Variants in PIBF1 observed in about 807,000 individuals in gnomAD.
The protein encoded by PIBF1 is progesterone immunomodulatory binding factor 1.
PIBF1 carries 90 observed loss-of-function variants against 112.5 expected under a neutral mutation model. The observed-to-expected ratio is 0.80, with a 90% CI of 0.67 to 0.95. The LOEUF (loss-of-function observed/expected upper bound fraction) is 0.95, where lower values mean the gene tolerates loss of function less well. Ranked by LOEUF, PIBF1 falls within the 40% of genes least tolerant of loss-of-function variation. PIBF1 has a pLI of 0.00. For synonymous variants in PIBF1, 301 were observed against 288.6 expected, an observed-to-expected ratio of 1.04 and a Z score of -0.44; for missense variants, 915 against 852.3, an observed-to-expected ratio of 1.07 and a Z score of -0.92.
At chr13:73,001,209 GATTCTCTTCAGGCATCAT>G (rs2043855266) in intron 17 of PIBF1, among the ~76,000 whole-genome samples, 1 of 152,104 alleles carries the variant, frequency 6.6e-6, no homozygotes, top group African/African-American at 2.4e-5. Context: ...AGCATGCTAT[GATTCTCTTCAGGCATCAT>G]AATTTTTAGT....
intron 14 of PIBF1, among the ~76,000 whole-genome samples, chr13:72,965,040 C>T (rs1449549747): frequency 1.3e-5 from 2 of 151,868 alleles, no homozygotes; most frequent in Admixed American, 6.6e-5. Flanking sequence ...CTAGCCTGGG[C>T]GACAGAGCGA....
At chr13:72,910,501 A>G (rs547379346) in intron 12 of PIBF1, among the ~76,000 whole-genome samples, 2 of 152,292 alleles carry the variant, frequency 1.3e-5, no homozygotes, top group South Asian at 4.1e-4. Context: ...GATCTGAAAA[A>G]GGGCATTTAT....
At chr13:72,881,642 T>C (rs1463504220) in intron 10 of PIBF1, among the ~76,000 whole-genome samples, 1 of 149,570 alleles carries the variant, frequency 6.7e-6, no homozygotes, top group South Asian at 2.1e-4. Flanking sequence ...CTTGAACCCA[T>C]GAGGTGGAGG....
intron 16 of PIBF1, among the ~76,000 whole-genome samples, chr13:72,986,759 C>T (rs1261702914): frequency 1.3e-5 from 2 of 148,680 alleles, no homozygotes; most frequent in Non-Finnish European, 1.5e-5. Context: ...GGCGCAATCT[C>T]GGCTCACTGC....
At chr13:72,902,239 A>G (rs909992915) in intron 11 of PIBF1, among the ~76,000 whole-genome samples, 10 of 152,110 alleles carry the variant, frequency 6.6e-5, no homozygotes, top group Non-Finnish European at 1.0e-4. Context: ...TGGGGGGAAG[A>G]GTGGAACAGG....
intron 6 of PIBF1, among the ~76,000 whole-genome samples, chr13:72,824,823 A>G (rs987836044): frequency 2.6e-5 from 4 of 152,214 alleles, no homozygotes; most frequent in African/African-American, 9.6e-5. Context: ...CAAAGTTACT[A>G]TCACCAATAA....
chr13:73,007,404 C>T (rs1234415084), intron 17 of PIBF1, among the ~76,000 whole-genome samples: 1 of 150,746 alleles, frequency 6.6e-6, no homozygotes, highest in Non-Finnish European at 1.5e-5. Flanking sequence ...TCAAGCAGTT[C>T]TCCAAAAATC....
At chr13:72,903,294 A>G (rs768239171) in intron 11 of PIBF1, among the ~76,000 whole-genome samples, 8 of 152,158 alleles carry the variant, frequency 5.3e-5, no homozygotes, top group African/African-American at 4.8e-5. Flanking sequence ...ACCTTTTTAA[A>G]AATATGCTTC....
At chr13:72,880,177 A>G (rs2039568420) in intron 10 of PIBF1, among the ~76,000 whole-genome samples, 1 of 152,184 alleles carries the variant, frequency 6.6e-6, no homozygotes, top group Non-Finnish European at 1.5e-5. Flanking sequence ...GGGTAGGAAA[A>G]TTATGACTTT....
chr13:72,895,822 T>G (rs2040260339), intron 11 of PIBF1, among the ~76,000 whole-genome samples: 1 of 152,092 alleles, frequency 6.6e-6, no homozygotes, highest in South Asian at 2.1e-4. Context: ...GGACTGCTCC[T>G]GCAGGACCCG....
At chr13:72,826,064 A>G (rs2036798596) in intron 6 of PIBF1, among the ~76,000 whole-genome samples, 1 of 151,828 alleles carries the variant, frequency 6.6e-6, no homozygotes, top group South Asian at 2.1e-4. Flanking sequence ...AATTTAAAAA[A>G]AAGATTTTTT....
rs893372285 is a variant in PIBF1, at chr13:73,016,101, AT to A, written c.*191del. On this transcript the variant is annotated 3_prime_UTR_variant, in exon 18 of 18. Coordinates refer to ENST00000326291, the MANE Select transcript of PIBF1 (RefSeq NM_006346.4). ...GTGTAAAGAACAATCAATATACTTTATTTTTTTTTCTATTTTATAAAATAAA... is the reference window on the plus strand; with the variant it reads ...GTGTAAAGAACAATCAATATACTTTATTTTTTTTCTATTTTATAAAATAAA... 2.6e-4 allele frequency: 71 copies of A among 271,610 alleles called. No homozygotes were observed. The highest frequency in any genetic ancestry group is 5.8e-4 in the African/African-American group (26 of 44,850). The allele number at this position is 271,610 out of a possible 1,614,324, so 16.8% of individuals were successfully genotyped here. A position where few individuals can be genotyped will look rare whatever the true frequency, so the allele number is the denominator to read the frequency against.
intron 13 of PIBF1, among the ~76,000 whole-genome samples, chr13:72,927,391 C>G: frequency 6.6e-6 from 1 of 152,236 alleles, no homozygotes; most frequent in East Asian, 1.9e-4. Flanking sequence ...GTGGTCCCAG[C>G]TACTGAGGAG....
Position 72,926,478 on chromosome 13 carries a change from A to T in PIBF1, c.1731-4687A>T, listed in dbSNP as rs80082626. On this transcript the variant is annotated intron_variant, in intron 13 of 17. Transcript: ENST00000326291. ...TTAAAGACCACTGGTCTAGATTATG[A>T]TCATAACCTTCTAAATGACTGTAGT... 9.2e-5 allele frequency among the ~76,000 whole-genome samples: 14 copies of T among 152,300 alleles called. 1 individual carries two copies. The East Asian group carries it at 2.3e-3, about 25-fold the overall frequency.
chr13:72,965,030 C>G lies in PIBF1; in HGVS notation c.1834-244C>G, dbSNP rs982819701. Among the ~76,000 whole-genome samples, 3 of 152,104 alleles carry G rather than the reference C, an allele frequency of 2.0e-5. No individual in the cohort carries two copies. In the South Asian group the frequency reaches 6.2e-4, roughly 32 times the overall value. ...TGAGCCGAGATCGCGCCACTGCACTCTAGCCTGGGCGACAGAGCGAGACTG... is the reference window on the plus strand; with the variant it reads ...TGAGCCGAGATCGCGCCACTGCACTGTAGCCTGGGCGACAGAGCGAGACTG... On this transcript the variant is annotated intron_variant, in intron 14 of 17. Coordinates refer to ENST00000326291, the MANE Select transcript of PIBF1 (RefSeq NM_006346.4).
At chr13:72,926,148 A>G (rs929398826) in intron 13 of PIBF1, among the ~76,000 whole-genome samples, 2 of 152,174 alleles carry the variant, frequency 1.3e-5, no homozygotes, top group African/African-American at 4.8e-5. Flanking sequence ...GGCTACTAGA[A>G]AATTTTAAAT....
chr13:72,933,844 G>A (rs1228287994), intron 14 of PIBF1, among the ~76,000 whole-genome samples: 7 of 152,186 alleles, frequency 4.6e-5, no homozygotes, highest in African/African-American at 1.4e-4. Context: ...TATTTATGAT[G>A]TGAAATGGTA....
In PIBF1 at chr13:72,795,421, A is replaced by T; in HGVS notation, c.416A>T (p.Glu139Val). ...ATTTTGTTGAGACAGAAACAACTAG[A>T]AGAGACAAATCTTCAGCTAAGAGAA... ...ETILLRQKQL[E>V]ETNLQLREKA... Residue 139 changes from glutamate (E) to valine (V), a missense_variant, in exon 4 of 18, where the codon GAA (glutamate) becomes GTA (valine). Coordinates refer to ENST00000326291, the MANE Select transcript of PIBF1 (RefSeq NM_006346.4). The T allele has an allele frequency of 6.2e-7, 1 of 1,609,806 alleles. No individual in the cohort carries two copies. The highest frequency in any genetic ancestry group is 8.5e-7 in the Non-Finnish European group (1 of 1,178,418).
Position 72,795,566 on chromosome 13 carries a change from CTT to C in PIBF1, c.552+10_552+11del, listed in dbSNP as rs1250304006. Reference sequence around the variant, plus strand: ...TTCCTGAATATGTATCTGTAAGTATCTTATATCTATTTTTAACTATGACATAT... The same window carrying C: ...TTCCTGAATATGTATCTGTAAGTATCATATCTATTTTTAACTATGACATAT... On this transcript the variant is annotated intron_variant, in intron 4 of 17. Transcript: ENST00000326291. 3 of 1,437,656 alleles carry C rather than the reference CTT, an allele frequency of 2.1e-6. No homozygotes were observed. The highest frequency in any genetic ancestry group is 2.9e-6 in the Non-Finnish European group (3 of 1,039,534). The allele number at this position is 1,437,656 out of a possible 1,614,324, so 89.1% of individuals were successfully genotyped here.
Sources: gnomAD v4.1 joint callset for allele counts (sites outside exome capture counted in the v4.1 genomes callset) on GRCh38, gnomAD v4.1.1 for gene constraint, MANE v1.5 for transcripts, NCBI Gene and HGNC (gene_info 2026-07-23, HGNC 2026-07-21) for gene names.